DUSP22: variants seen among roughly 807,000 people sequenced by gnomAD.
DUSP22 encodes dual specificity phosphatase 22.
Under a neutral mutation model 24.5 loss-of-function variants are expected in DUSP22, and 24 were observed. That is an observed-to-expected ratio of 0.98 (90% confidence interval 0.71 to 1.38). The LOEUF is 1.38. DUSP22 is among the 40% of genes most tolerant of loss of function. The pLI is 0.00. For missense variants in DUSP22, 330 were observed against 269.2 expected (o/e 1.23, Z -1.58); for synonymous variants, 160 against 106.4 (o/e 1.50, Z -3.10).
intron 3 of DUSP22, among the ~76,000 whole-genome samples, chr6:327,206 G>A (rs1019596582): frequency 2.6e-5 from 4 of 152,310 alleles, no homozygotes; most frequent in African/African-American, 4.8e-5. Flanking sequence ...CTTGGGGCTG[G>A]GTAGCCCCCA....
At chr6:307,772 T>C (rs1284037455) in intron 2 of DUSP22, among the ~76,000 whole-genome samples, 1 of 152,298 alleles carries the variant, frequency 6.6e-6, no homozygotes, top group Non-Finnish European at 1.5e-5. Flanking sequence ...TGTACGTGAG[T>C]GGTGTGCATT....
At chr6:324,732 C>T (rs563604493) in intron 3 of DUSP22, among the ~76,000 whole-genome samples, 4 of 152,410 alleles carry the variant, frequency 2.6e-5, no homozygotes, top group East Asian at 1.9e-4. Flanking sequence ...ATGTGGTGTT[C>T]GGCTGGAGGG....
rs1315824136 is a variant in DUSP22 at position 348,850 on chromosome 6, A to G, written c.517A>G (p.Lys173Glu). ...AGCCAAAAACATTCTGGGTAAATAT[A>G]AGGAGCAAGGGCGCACAGAGCCCCA... is the stretch of plus-strand genomic sequence containing the variant. Reference protein sequence around the residue: ...EEAKNILGKYKEQGRTEPQPG... With the variant: ...EEAKNILGKYEEQGRTEPQPG... Residue 173 changes from lysine to glutamate, a missense_variant, in exon 7 of 7, where the codon AAG becomes GAG. Lys to Glu is a moderately conservative substitution (Grantham distance 56, BLOSUM62 1). Transcript: ENST00000419235. 2 of 1,614,184 alleles carry G rather than the reference A, an allele frequency of 1.2e-6. No individual in the cohort carries two copies. Among genetic ancestry groups the G allele is most frequent in the Admixed American group, 3.3e-5 (2 of 60,016 alleles).
At chr6:295,000 C>T (rs540715895) in intron 1 of DUSP22, among the ~76,000 whole-genome samples, 37 of 152,398 alleles carry the variant, frequency 2.4e-4, no homozygotes, top group African/African-American at 7.9e-4. Context: ...CAAAGTAGAT[C>T]GCAGGAGGCC....
chr6:315,468 G>A (rs1758300630), intron 3 of DUSP22, among the ~76,000 whole-genome samples: 3 of 152,304 alleles, frequency 2.0e-5, no homozygotes, highest in Admixed American at 2.0e-4. Flanking sequence ...CCAGACTGGG[G>A]ATTTTCCCAG....
intron 4 of DUSP22, chr6:338,014 GTGAAGC>G (rs1759438815): frequency 6.6e-6 from 1 of 152,524 alleles, no homozygotes; most frequent in African/African-American, 2.4e-5. Flanking sequence ...GCACTCTCCA[GTGAAGC>G]TACGACAGTA....
In DUSP22 at chr6:335,156, C is replaced by T. The variant is rs201346671; in HGVS notation, c.181C>T (p.Gln61Ter). ...LCIPAADSPS[Q>*]NLTRHFKESI... Reference sequence around the variant, plus strand: ...CATCCCAGCAGCGGATTCACCATCTCAAAACCTGTAAGTTTCTTATTTCTG... The same window carrying T: ...CATCCCAGCAGCGGATTCACCATCTTAAAACCTGTAAGTTTCTTATTTCTG... Residue 61 changes from glutamine to a stop codon, truncating the protein, a stop_gained, in exon 4 of 7, where the codon CAA becomes TAA. Coordinates refer to ENST00000419235, the MANE Select transcript of DUSP22 (RefSeq NM_001286555.3). LOFTEE classifies it high-confidence loss of function. 197 of 1,613,512 alleles carry T rather than the reference C, an allele frequency of 1.2e-4. No homozygotes were observed. The highest frequency in any genetic ancestry group is 3.4e-4 in the South Asian group (31 of 90,998).
chr6:320,664 G>C (rs1758544144), intron 3 of DUSP22, among the ~76,000 whole-genome samples: 1 of 152,300 alleles, frequency 6.6e-6, no homozygotes, highest in Non-Finnish European at 1.5e-5. Context: ...GTAAAGAGAG[G>C]GGTGTTGAGG....
At position 351,030 on chromosome 6, in the gene DUSP22, A is replaced by G; in HGVS notation, c.*2079A>G. On this transcript the variant is annotated 3_prime_UTR_variant, in exon 7 of 7. Coordinates refer to ENST00000419235, the MANE Select transcript of DUSP22 (RefSeq NM_001286555.3). Reference sequence around the variant, plus strand: ...GTCATGTTTATGTTGAGAACTAAGGATATTCTTTAGCAAGAGAAAATATTT... The same window carrying G: ...GTCATGTTTATGTTGAGAACTAAGGGTATTCTTTAGCAAGAGAAAATATTT... The G allele has an allele frequency of 2.8e-6, 3 of 1,082,732 alleles. No individual in the cohort carries two copies. The highest frequency in any genetic ancestry group is 4.0e-6 in the Non-Finnish European group (3 of 744,256). The allele number at this position is 1,082,732 out of a possible 1,614,324, so 67.1% of individuals were successfully genotyped here. A position where few individuals can be genotyped will look rare whatever the true frequency, so the allele number is the denominator to read the frequency against.
At chr6:347,754 A>T (rs1465485788) in intron 5 of DUSP22, among the ~76,000 whole-genome samples, 1 of 152,300 alleles carries the variant, frequency 6.6e-6, no homozygotes, top group African/African-American at 2.4e-5. Context: ...AGGCCCTGGA[A>T]GCCTCGTTTC....
chr6:318,237 G>A (rs547098511), intron 3 of DUSP22, among the ~76,000 whole-genome samples: 86 of 152,374 alleles, frequency 5.6e-4, no homozygotes, highest in African/African-American at 2.0e-3. Context: ...CTACAAAGAG[G>A]ACCATGCATC....
At chr6:294,160 A>G (rs1296543353) in intron 1 of DUSP22, among the ~76,000 whole-genome samples, 2 of 152,302 alleles carry the variant, frequency 1.3e-5, no homozygotes, top group African/African-American at 4.8e-5. Context: ...ATGCTTTTCA[A>G]CAAAAGCAGT....
chr6:348,204 G>T lies in DUSP22; in HGVS notation c.365G>T (p.Arg122Ile). Reference sequence around the variant, plus strand: ...GCCCTGCACACCGTGCGTGCTGGGAGATCCTGTGCCAACCCCAACGTGGGC... The same window carrying T: ...GCCCTGCACACCGTGCGTGCTGGGATATCCTGTGCCAACCCCAACGTGGGC... ...EDALHTVRAG[R>I]SCANPNVGFQ... The change falls in exon 6 of 7, where the codon AGA becomes ATA. Residue 122 changes from arginine to isoleucine, a missense_variant. Arg to Ile is a moderately conservative substitution (Grantham distance 97, BLOSUM62 -3). Transcript: ENST00000419235. 1.2e-6 allele frequency: 2 copies of T among 1,614,314 alleles called. No homozygotes were observed. The highest frequency in any genetic ancestry group is 1.1e-5 in the South Asian group (1 of 91,092).
intron 3 of DUSP22, among the ~76,000 whole-genome samples, chr6:328,410 C>G (rs1281711155): frequency 6.6e-6 from 1 of 152,310 alleles, no homozygotes; most frequent in Non-Finnish European, 1.5e-5. Flanking sequence ...ACTGAAATAT[C>G]TTGAACAAAA....
rs923307411 is a variant in DUSP22 at position 348,625 on chromosome 6, C to A, written c.436-144C>A. On this transcript the variant is annotated intron_variant, in intron 6 of 6. Coordinates refer to ENST00000419235, the MANE Select transcript of DUSP22 (RefSeq NM_001286555.3). ...CTCTTGCTTGACCCTGGCTGGCCAACCACAGAGCTCTGATTTCCCACTGCT... is the reference window on the plus strand; with the variant it reads ...CTCTTGCTTGACCCTGGCTGGCCAAACACAGAGCTCTGATTTCCCACTGCT... 76 of 1,414,678 alleles carry A rather than the reference C, an allele frequency of 5.4e-5. No individual in the cohort carries two copies. In the Middle Eastern group the frequency reaches 8.2e-4, roughly 15 times the overall value. 87.6% of individuals were successfully genotyped at this position (1,414,678 alleles called of 1,614,324 possible).
intron 4 of DUSP22, among the ~76,000 whole-genome samples, chr6:338,913 G>C (rs1249928191): frequency 1.3e-5 from 2 of 152,306 alleles, no homozygotes; most frequent in African/African-American, 4.8e-5. Context: ...TGCCCGGAAA[G>C]GTCAGTTTTC....
chr6:328,591 G>T (rs527273181), intron 3 of DUSP22, among the ~76,000 whole-genome samples: 1 of 152,292 alleles, frequency 6.6e-6, no homozygotes, highest in Non-Finnish European at 1.5e-5. Flanking sequence ...CTCCCTCCCC[G>T]CCCCATCAGT....
intron 4 of DUSP22, among the ~76,000 whole-genome samples, chr6:341,895 T>C (rs1258121084): frequency 1.3e-5 from 2 of 152,312 alleles, no homozygotes; most frequent in Non-Finnish European, 2.9e-5. Context: ...GGTGCCAGGC[T>C]GAGCACACTC....
At chr6:314,825 A>T (rs1238656183) in intron 3 of DUSP22, among the ~76,000 whole-genome samples, 2 of 152,280 alleles carry the variant, frequency 1.3e-5, no homozygotes, top group Non-Finnish European at 2.9e-5. Context: ...TTTACTTAGG[A>T]AGGAACTAAG....
Sources: gnomAD v4.1 joint callset for allele counts (sites outside exome capture counted in the v4.1 genomes callset) on GRCh38, gnomAD v4.1.1 for gene constraint, MANE v1.5 for transcripts, NCBI Gene and HGNC (gene_info 2026-07-23, HGNC 2026-07-21) for gene names.